KLHL3: variants seen among roughly 807,000 people sequenced by gnomAD.
KLHL3 encodes kelch like family member 3, also known as kelch-like protein 3.
KLHL3 carries 19 observed loss-of-function variants against 70.5 expected under a neutral mutation model. The observed-to-expected ratio is 0.27, with a 90% CI of 0.19 to 0.40. KLHL3 has a LOEUF of 0.40. KLHL3 is among the 10% of genes least tolerant of loss of function. The probability of loss-of-function intolerance (pLI) is 1.00; values close to 1 mark genes in which losing one functional copy is unlikely to be tolerated. For missense variants in KLHL3, 512 were observed against 771.1 expected (o/e 0.66, Z 3.98); for synonymous variants, 258 against 290.3 (o/e 0.89, Z 1.13).
intron 8 of KLHL3, among the ~76,000 whole-genome samples, chr5:137,656,633 A>G (rs1751351704): frequency 6.6e-6 from 1 of 152,278 alleles, no homozygotes; most frequent in Non-Finnish European, 1.5e-5. Context: ...TCAATGCAAT[A>G]TTTCAACCAA....
intron 1 of KLHL3, among the ~76,000 whole-genome samples, chr5:137,727,007 C>T (rs1293640068): frequency 1.3e-5 from 2 of 152,022 alleles, no homozygotes; most frequent in Admixed American, 6.5e-5. Context: ...TCTTTCTTGC[C>T]CTCCTCTATC....
At chr5:137,652,123 G>T (rs1395202073) in intron 8 of KLHL3, among the ~76,000 whole-genome samples, 6 of 151,836 alleles carry the variant, frequency 4.0e-5, no homozygotes, top group African/African-American at 1.5e-4. Context: ...AAGTATAGGA[G>T]AAAATCTGTG....
intron 6 of KLHL3, among the ~76,000 whole-genome samples, chr5:137,668,215 T>G (rs897860692): frequency 2.0e-5 from 3 of 152,104 alleles, no homozygotes; most frequent in Non-Finnish European, 4.4e-5. Context: ...ATTGAGACCA[T>G]CCTGGCCAAC....
chr5:137,669,636 T>A (rs1007157249), intron 6 of KLHL3, among the ~76,000 whole-genome samples: 2 of 152,048 alleles, frequency 1.3e-5, no homozygotes, highest in African/African-American at 4.8e-5. Flanking sequence ...GTCTACAAGC[T>A]GAGAGACGTC....
chr5:137,633,306 TAA>T (rs1316347862), intron 12 of KLHL3, among the ~76,000 whole-genome samples: 1 of 127,848 alleles, frequency 7.8e-6, no homozygotes, highest in Non-Finnish European at 1.7e-5. Flanking sequence ...AAAAAAAGTT[TAA>T]AAAAAAAAAG....
Position 137,694,877 on chromosome 5 carries a change from C to T in KLHL3, c.364-2430G>A, listed in dbSNP as rs1752408597. Among the ~76,000 whole-genome samples, 3 of 152,216 alleles carry T rather than the reference C, an allele frequency of 2.0e-5. No homozygotes were observed. In the South Asian group the frequency reaches 6.2e-4, roughly 32 times the overall value. ...GCCATCAAATGTTGGCCAGCACAAACCCTACTCAGAGGTGTGGTAAACTCC... is the reference window on the plus strand; with the variant it reads ...GCCATCAAATGTTGGCCAGCACAAATCCTACTCAGAGGTGTGGTAAACTCC... On this transcript the variant is annotated intron_variant, in intron 4 of 14. Coordinates refer to ENST00000309755, the MANE Select transcript of KLHL3 (RefSeq NM_017415.3).
At chr5:137,707,253 C>T (rs998880453) in intron 3 of KLHL3, among the ~76,000 whole-genome samples, 1 of 152,108 alleles carries the variant, frequency 6.6e-6, no homozygotes, top group African/African-American at 2.4e-5. Flanking sequence ...GCCAACATGG[C>T]AAAACCCACT....
intron 8 of KLHL3, among the ~76,000 whole-genome samples, chr5:137,645,289 A>G (rs534780262): frequency 6.6e-6 from 1 of 152,334 alleles, no homozygotes; most frequent in East Asian, 1.9e-4. Flanking sequence ...CTTCTATCCA[A>G]CATAGTACTG....
intron 2 of KLHL3, among the ~76,000 whole-genome samples, chr5:137,716,666 G>A (rs1027817312): frequency 6.6e-6 from 1 of 152,180 alleles, no homozygotes; most frequent in Admixed American, 6.5e-5. Context: ...AGAGGGCGGA[G>A]TTTTCAGTCC....
At position 137,678,346 on chromosome 5, in the gene KLHL3, C is replaced by T. The variant is rs540783863; in HGVS notation, c.527-692G>A. Reference sequence around the variant, plus strand: ...AAGATAAAACCCACAGGCCTAAGATCCACAAAAGGGAAATACCAGGGACAA... The same window carrying T: ...AAGATAAAACCCACAGGCCTAAGATTCACAAAAGGGAAATACCAGGGACAA... On this transcript the variant is annotated intron_variant, in intron 5 of 14. Coordinates refer to ENST00000309755, the MANE Select transcript of KLHL3 (RefSeq NM_017415.3). 6.6e-5 allele frequency among the ~76,000 whole-genome samples: 10 copies of T among 152,314 alleles called. No individual in the cohort carries two copies. The South Asian group carries it at 1.9e-3, about 28-fold the overall frequency.
chr5:137,704,391 CAA>C (rs1287640195), intron 3 of KLHL3, among the ~76,000 whole-genome samples: 1 of 129,356 alleles, frequency 7.7e-6, no homozygotes, highest in Admixed American at 7.9e-5. Flanking sequence ...GACTCCGTCT[CAA>C]AAAAAAAAAA....
chr5:137,709,511 T>A (rs1214625928), intron 3 of KLHL3, among the ~76,000 whole-genome samples: 2 of 152,226 alleles, frequency 1.3e-5, no homozygotes, highest in Admixed American at 6.5e-5. Context: ...TGAGAACTAA[T>A]GGGCTATGTG....
At chr5:137,696,312 A>T (rs1752443300) in intron 4 of KLHL3, among the ~76,000 whole-genome samples, 1 of 125,950 alleles carries the variant, frequency 7.9e-6, no homozygotes, top group Admixed American at 8.4e-5. Flanking sequence ...TCAGTGCCAC[A>T]TAAAGAAAGA....
chr5:137,683,800 ACG>A (rs1491518663), intron 5 of KLHL3, among the ~76,000 whole-genome samples: 4 of 150,944 alleles, frequency 2.6e-5, no homozygotes, highest in African/African-American at 9.8e-5. Context: ...ACACACATGC[ACG>A]CGCACACACA....
intron 6 of KLHL3, among the ~76,000 whole-genome samples, chr5:137,663,448 C>T (rs1006274185): frequency 1.3e-5 from 2 of 151,852 alleles, no homozygotes; most frequent in Non-Finnish European, 2.9e-5. Flanking sequence ...TGCACATAAC[C>T]TCCGCACATC....
chr5:137,728,942 C>T (rs1044653724), intron 1 of KLHL3, among the ~76,000 whole-genome samples: 54 of 148,562 alleles, frequency 3.6e-4, no homozygotes, highest in African/African-American at 1.3e-3. Context: ...ACCTATATAA[C>T]AAACCAGCAC....
chr5:137,679,551 A>C (rs1455312875), intron 5 of KLHL3, among the ~76,000 whole-genome samples: 1 of 152,260 alleles, frequency 6.6e-6, no homozygotes, highest in African/African-American at 2.4e-5. Flanking sequence ...ATTTCCTTAG[A>C]GCTCGTAAGA....
intron 1 of KLHL3, among the ~76,000 whole-genome samples, chr5:137,721,953 T>C (rs1403550658): frequency 6.6e-6 from 1 of 152,210 alleles, no homozygotes; most frequent in African/African-American, 2.4e-5. Flanking sequence ...ACTATTCAGC[T>C]CCCAGGAGTA....
At chr5:137,720,754 A>T (rs573460113) in intron 1 of KLHL3, 170 bp from the exon 2 acceptor site, 1 of 1,437,364 alleles carries the variant, frequency 7.0e-7, no homozygotes, top group Non-Finnish European at 9.1e-7. Flanking sequence ...CATATCTTCC[A>T]AAGCAAAGTG....
Sources: allele counts gnomAD v4.1 joint callset (sites outside exome capture counted in the v4.1 genomes callset), GRCh38; gene constraint gnomAD v4.1.1; transcripts MANE v1.5; gene names NCBI Gene and HGNC (gene_info 2026-07-23, HGNC 2026-07-21).